HACD2: variants seen among roughly 807,000 people sequenced by gnomAD.
HACD2 encodes the protein 3-hydroxyacyl-CoA dehydratase 2.
HACD2 carries 15 observed loss-of-function variants against 31.0 expected under a neutral mutation model. The observed-to-expected ratio is 0.48, with a 90% CI of 0.32 to 0.75. HACD2 has a LOEUF of 0.75. Among genes scored for constraint, HACD2 ranks in the 30% least tolerant of loss-of-function variants. The pLI is 0.03. For synonymous variants in HACD2, 115 were observed against 122.2 expected (o/e 0.94, Z 0.39); for missense variants, 283 against 313.0 (o/e 0.90, Z 0.72).
At chr3:123,497,313 C>T (rs2055845348) in intron 6 of HACD2, among the ~76,000 whole-genome samples, 1 of 152,196 alleles carries the variant, frequency 6.6e-6, no homozygotes, top group Admixed American at 6.5e-5. Flanking sequence ...TCAGGGAACA[C>T]AGAATGGGGA....
At chr3:123,558,680 G>A (rs1039734716) in intron 3 of HACD2, among the ~76,000 whole-genome samples, 8 of 152,206 alleles carry the variant, frequency 5.3e-5, no homozygotes, top group East Asian at 3.9e-4. Flanking sequence ...GACATATCAC[G>A]GTCATACAAA....
chr3:123,544,861 C>T (rs2056538046), intron 3 of HACD2, among the ~76,000 whole-genome samples: 1 of 151,666 alleles, frequency 6.6e-6, no homozygotes, highest in Admixed American at 6.6e-5. Flanking sequence ...AATGCTTGAG[C>T]TCAGGAGTTT....
chr3:123,567,009 C>T (rs16834431), intron 3 of HACD2, among the ~76,000 whole-genome samples: 27,921 of 152,096 alleles, frequency 0.18, 2,711 homozygotes, highest in African/African-American at 0.2. Context: ...GGGGCCATAA[C>T]GGTATAGATT....
At chr3:123,560,955 C>T (rs2107740575) in intron 3 of HACD2, among the ~76,000 whole-genome samples, 1 of 152,314 alleles carries the variant, frequency 6.6e-6, no homozygotes, top group South Asian at 2.1e-4. Flanking sequence ...AGATGCTCTC[C>T]TTCCAGAGTT....
chr3:123,579,720 A>T (rs1412089158), intron 2 of HACD2, among the ~76,000 whole-genome samples: 1 of 151,918 alleles, frequency 6.6e-6, no homozygotes, highest in Non-Finnish European at 1.5e-5. Context: ...GATGGTCTTG[A>T]CTCCAAATTT....
Position 123,494,478 on chromosome 3 carries a change from C to T in HACD2, c.*410G>A, listed in dbSNP as rs116098219. The T allele has an allele frequency of 6.8e-3, 1,526 of 223,196 alleles. 22 individuals are homozygous for T. Among genetic ancestry groups the T allele is most frequent in the African/African-American group, 0.034 (1,419 of 42,070 alleles). The allele number at this position is 223,196 out of a possible 1,614,324, so 13.8% of individuals were successfully genotyped here. The stretch of plus-strand genomic sequence containing the variant: ...TGACAAGGGAATGCTAAACACACTG[C>T]AGACTGAAACATAACTATACTGCAA... On this transcript the variant is annotated 3_prime_UTR_variant, in exon 7 of 7. Coordinates refer to ENST00000383657, the MANE Select transcript of HACD2 (RefSeq NM_198402.5).
At chr3:123,521,508 G>A (rs1198417399) in intron 4 of HACD2, among the ~76,000 whole-genome samples, 2 of 151,816 alleles carry the variant, frequency 1.3e-5, no homozygotes, top group Non-Finnish European at 2.9e-5. Flanking sequence ...TAAGATAACT[G>A]TGCAGACTTC....
intron 4 of HACD2, among the ~76,000 whole-genome samples, chr3:123,524,761 A>G (rs904660738): frequency 1.3e-5 from 2 of 152,108 alleles, no homozygotes; most frequent in African/African-American, 2.4e-5. Context: ...TGCTGATATC[A>G]CAGGTGTGAG....
At chr3:123,544,425 T>C (rs1456879115) in intron 3 of HACD2, among the ~76,000 whole-genome samples, 3 of 152,208 alleles carry the variant, frequency 2.0e-5, no homozygotes, top group Non-Finnish European at 2.9e-5. Flanking sequence ...CAAAAAAAGA[T>C]ATTTTTTCAT....
intron 3 of HACD2, among the ~76,000 whole-genome samples, chr3:123,533,417 G>A (rs1030440981): frequency 7.9e-5 from 12 of 152,246 alleles, no homozygotes; most frequent in African/African-American, 1.9e-4. Flanking sequence ...CCAAAGTGCT[G>A]GGATTACAGG....
chr3:123,558,233 G>A lies in HACD2; in HGVS notation c.292+9529C>T, dbSNP rs114877771. Among the ~76,000 whole-genome samples the A allele has an allele frequency of 3.6e-3, 554 of 152,322 alleles. 6 individuals are homozygous for A. Among genetic ancestry groups the A allele is most frequent in the African/African-American group, 0.013 (538 of 41,568 alleles). ...GGCAAAACCATGGAGACAGTGGAAA[G>A]ATCAATGGCTTCCAGGGCTCTGGGG... On this transcript the variant is annotated intron_variant, in intron 3 of 6. Coordinates refer to ENST00000383657, the MANE Select transcript of HACD2 (RefSeq NM_198402.5).
intron 6 of HACD2, chr3:123,499,744 T>C: frequency 2.4e-6 from 1 of 417,080 alleles, no homozygotes; most frequent in South Asian, 1.7e-5. Context: ...TAACACTGTA[T>C]GTCGTTGGTT....
intron 4 of HACD2, among the ~76,000 whole-genome samples, chr3:123,513,260 A>G (rs933571374): frequency 6.6e-6 from 1 of 152,254 alleles, no homozygotes; most frequent in African/African-American, 2.4e-5. Context: ...TTTCTTATAG[A>G]ATGCCAACTC....
intron 4 of HACD2, among the ~76,000 whole-genome samples, chr3:123,509,200 T>C (rs1272955573): frequency 6.6e-6 from 1 of 152,140 alleles, no homozygotes; most frequent in South Asian, 2.1e-4. Context: ...ATATTCATCA[T>C]TGTTTTTTAA....
At chr3:123,528,499 A>G (rs986609153) in intron 3 of HACD2, 25 bp from the exon 4 acceptor site, 9 of 1,316,734 alleles carry the variant, frequency 6.8e-6, no homozygotes, top group African/African-American at 1.4e-5. Flanking sequence ...GGGATGGATA[A>G]ATAAATGTAC....
Position 123,494,260 on chromosome 3 carries a change from T to A in HACD2, c.*628A>T, listed in dbSNP as rs530541673. 4 of 152,896 alleles carry A rather than the reference T, an allele frequency of 2.6e-5. No individual in the cohort carries two copies. Among genetic ancestry groups the A allele is most frequent in the Non-Finnish European group, 4.4e-5 (3 of 68,510 alleles). The allele number at this position is 152,896 out of a possible 1,614,324, so 9.5% of individuals were successfully genotyped here. ...TTAGTGGCAGGCAGTAATGACTCAA[T>A]TGGAAACAAACAAAAGGGTTCTAAG... On this transcript the variant is annotated 3_prime_UTR_variant, in exon 7 of 7. Coordinates refer to ENST00000383657, the MANE Select transcript of HACD2 (RefSeq NM_198402.5).
chr3:123,540,339 C>T (rs2056474713), intron 3 of HACD2, among the ~76,000 whole-genome samples: 1 of 152,166 alleles, frequency 6.6e-6, no homozygotes, highest in Non-Finnish European at 1.5e-5. Flanking sequence ...GCCCAGAGAC[C>T]TCTTAAGGGA....
chr3:123,531,867 C>T (rs1198137061), intron 3 of HACD2, among the ~76,000 whole-genome samples: 3 of 152,016 alleles, frequency 2.0e-5, no homozygotes, highest in Non-Finnish European at 4.4e-5. Flanking sequence ...TAAATTGCCT[C>T]GAATTTCTTG....
intron 3 of HACD2, among the ~76,000 whole-genome samples, chr3:123,541,202 C>T (rs946615846): frequency 5.9e-5 from 9 of 151,926 alleles, no homozygotes; most frequent in Admixed American, 2.6e-4. Context: ...GCCTGAGAGG[C>T]GGAGGTTGCA....
Sources: gnomAD v4.1 joint callset for allele counts (sites outside exome capture counted in the v4.1 genomes callset) on GRCh38, gnomAD v4.1.1 for gene constraint, MANE v1.5 for transcripts, NCBI Gene and HGNC (gene_info 2026-07-23, HGNC 2026-07-21) for gene names.